Variants in CCDC40 observed in about 807,000 individuals in gnomAD.
CCDC40 encodes the protein coiled-coil domain-containing protein 40.
A neutral mutation model predicts 124.5 loss-of-function variants in CCDC40; 104 were observed. That is an observed-to-expected ratio of 0.84 (90% CI 0.71 to 0.98). The LOEUF (loss-of-function observed/expected upper bound fraction) is 0.98, where lower values mean the gene tolerates loss of function less well. Among genes scored for constraint, CCDC40 ranks in the 50% least tolerant of loss-of-function variants. The pLI, the probability that CCDC40 is intolerant of heterozygous loss-of-function variation, is 0.00. For synonymous variants in CCDC40, 580 were observed against 602.9 expected, an observed-to-expected ratio of 0.96 and a Z score of 0.56; for missense variants, 1,463 against 1,503.9, an observed-to-expected ratio of 0.97 and a Z score of 0.45.
At chr17:80,090,507 C>T (rs181118178) in intron 17 of CCDC40, 131 of 1,525,160 alleles carry the variant, frequency 8.6e-5, no homozygotes, top group Middle Eastern at 2.2e-4. Flanking sequence ...TCTCACAAAA[C>T]GCTGTTTTAT....
chr17:80,095,596 G>T, intron 18 of CCDC40, 145 bp downstream of exon 18: 1 of 756,026 alleles, frequency 1.3e-6, no homozygotes, highest in South Asian at 1.7e-5. Flanking sequence ...CTGCTGCTGG[G>T]TGCTGGGTCT....
chr17:80,087,807 C>A lies in CCDC40; in HGVS notation c.2619+31C>A, dbSNP rs780072831. Reference sequence around the variant, plus strand: ...GCCGTGTCCACGCAGTCCCGGGGCTCAGGACGATGGAGGGCGGGGGTACGG... The same window carrying A: ...GCCGTGTCCACGCAGTCCCGGGGCTAAGGACGATGGAGGGCGGGGGTACGG... On this transcript the variant is annotated intron_variant, in intron 15 of 19. Transcript: ENST00000397545. This position sits in a 1 kb window ranked among gnomAD's most constrained non-coding sequence, Gnocchi z 4.5. 6.2e-7 allele frequency: 1 copy of A among 1,608,238 alleles called. No homozygotes were observed. The highest frequency in any genetic ancestry group is 8.5e-7 in the Non-Finnish European group (1 of 1,174,974).
chr17:80,077,749 C>A (rs2038343404), intron 10 of CCDC40, among the ~76,000 whole-genome samples: 1 of 152,350 alleles, frequency 6.6e-6, no homozygotes, highest in Non-Finnish European at 1.5e-5. Context: ...TGGTGAGCAT[C>A]TCTTCCCCGG....
rs750384893 is a variant in CCDC40 at position 80,047,416 on chromosome 17, G to A, written c.676+14G>A. On this transcript the variant is annotated intron_variant, in intron 4 of 19. Coordinates refer to ENST00000397545, the MANE Select transcript of CCDC40 (RefSeq NM_017950.4). ...CGCAGGAGCCAGGTGCCACCCACCT[G>A]CTGAGGTCACCCTGCCCTGGCGATG... The A allele has an allele frequency of 1.4e-5, 23 of 1,608,346 alleles. No homozygotes were observed. Among genetic ancestry groups the A allele is most frequent in the African/African-American group, 2.7e-5 (2 of 74,824 alleles).
At chr17:80,095,194 C>T (rs2038785529) in intron 17 of CCDC40, 69 bp from the exon 18 acceptor site, 3 of 1,472,082 alleles carry the variant, frequency 2.0e-6, no homozygotes, top group South Asian at 2.3e-5. Flanking sequence ...AGGCCAGCGC[C>T]CCGGCCACTC....
Position 80,089,974 on chromosome 17 carries a change from G to C in CCDC40, c.2832+90G>C. ...GCCACACCAAGGCCTCGGCTCTCCC[G>C]GGGCTCCTGTGGGAACCACACTGGC... On this transcript the variant is annotated intron_variant, in intron 17 of 19. Coordinates refer to ENST00000397545, the MANE Select transcript of CCDC40 (RefSeq NM_017950.4). The C allele has an allele frequency of 4.5e-6, 7 of 1,561,958 alleles. No individual in the cohort carries two copies. In the South Asian group the frequency reaches 6.9e-5, roughly 15 times the overall value.
At position 80,040,164 on chromosome 17, in the gene CCDC40, C is replaced by T; in HGVS notation, c.446C>T (p.Pro149Leu). 1 of 1,613,928 alleles carries T rather than the reference C, an allele frequency of 6.2e-7. No individual in the cohort carries two copies. Among genetic ancestry groups the T allele is most frequent in the Non-Finnish European group, 8.5e-7 (1 of 1,179,886 alleles). Residue 149 changes from proline to leucine, a missense_variant, in exon 3 of 20, where the codon CCA becomes CTA. Coordinates refer to ENST00000397545, the MANE Select transcript of CCDC40 (RefSeq NM_017950.4). ...QGFQQEATGPPESRERRVTSP... is the reference protein window; with the variant it reads ...QGFQQEATGPLESRERRVTSP... The stretch of plus-strand genomic sequence containing the variant: ...TTCCAGCAAGAGGCCACCGGTCCAC[C>T]AGAATCCAGAGAAAGGAGGGTCACC...
At chr17:80,089,107 G>A (rs921830687) in intron 16 of CCDC40, among the ~76,000 whole-genome samples, 1 of 152,220 alleles carries the variant, frequency 6.6e-6, no homozygotes, top group African/African-American at 2.4e-5. Flanking sequence ...CCAATGTGTA[G>A]CTATATTCCT....
intron 10 of CCDC40, among the ~76,000 whole-genome samples, chr17:80,068,848 C>T (rs2038116230): frequency 6.6e-6 from 1 of 152,214 alleles, no homozygotes; most frequent in Non-Finnish European, 1.5e-5. Context: ...CCGAATGCTC[C>T]ACGCTCGGAC....
rs2038788434 is a variant in CCDC40, at chr17:80,095,327, C to A, written c.2897C>A (p.Ala966Asp). 6.2e-7 allele frequency: 1 copy of A among 1,614,102 alleles called. No homozygotes were observed. The highest frequency in any genetic ancestry group is 8.5e-7 in the Non-Finnish European group (1 of 1,180,040). The change falls in exon 18 of 20, where the codon GCC becomes GAC. Residue 966 changes from alanine (A) to aspartate (D), a missense_variant. Ala to Asp is a moderately radical substitution (Grantham distance 126, BLOSUM62 -2). Transcript: ENST00000397545. ...KMIRAMELAV[A>D]RRETVTTQAE... ...ATCCGTGCCATGGAGTTGGCGGTTG[C>A]CCGCAGAGAGACCGTCACCACCCAG...
intron 10 of CCDC40, among the ~76,000 whole-genome samples, chr17:80,069,316 T>C (rs2038131157): frequency 6.6e-6 from 1 of 152,192 alleles, no homozygotes; most frequent in Non-Finnish European, 1.5e-5. Context: ...GCTGCAAGCT[T>C]AGCTCAGAAG....
intron 10 of CCDC40, chr17:80,067,771 G>C: frequency 6.8e-7 from 1 of 1,474,066 alleles, no homozygotes; most frequent in Non-Finnish European, 9.0e-7. Context: ...GTAGGATTGT[G>C]ACAGTCACGC....
At chr17:80,080,906 C>T (rs754334446) in intron 10 of CCDC40, among the ~76,000 whole-genome samples, 5 of 152,060 alleles carry the variant, frequency 3.3e-5, no homozygotes, top group Middle Eastern at 3.2e-3. Flanking sequence ...TTCTGAATAG[C>T]TAGAGGAAAA....
At chr17:80,091,538 C>T (rs1291587168) in intron 17 of CCDC40, among the ~76,000 whole-genome samples, 2 of 5,918 alleles carry the variant, frequency 3.4e-4, no homozygotes, top group Non-Finnish European at 4.7e-4. Context: ...CCCCGTCCCA[C>T]CACCTTCTTC....
chr17:80,089,938 C>T, intron 17 of CCDC40, 54 bp downstream of exon 17: 1 of 1,604,800 alleles, frequency 6.2e-7, no homozygotes, highest in South Asian at 1.1e-5. Context: ...CCCTTGGGCT[C>T]TGGAGACCTG....
rs61736668 is a variant in CCDC40 at position 80,050,176 on chromosome 17, G to A, written c.1052G>A (p.Arg351His). Residue 351 changes from arginine (R) to histidine (H), a missense_variant, in exon 7 of 20, where the codon CGC becomes CAC. Coordinates refer to ENST00000397545, the MANE Select transcript of CCDC40 (RefSeq NM_017950.4). ...AAGCTGCTGGAGAAGAGTCACGACCGCCACGCAATGGCCTCGAGCGAGCGC... is the reference window on the plus strand; with the variant it reads ...AAGCTGCTGGAGAAGAGTCACGACCACCACGCAATGGCCTCGAGCGAGCGC... ...LQKLLEKSHD[R>H]HAMASSERRQ... The A allele has an allele frequency of 1.9e-5, 31 of 1,613,072 alleles. No individual in the cohort carries two copies. Among genetic ancestry groups the A allele is most frequent in the Middle Eastern group, 1.7e-4 (1 of 5,906 alleles).
At chr17:80,064,662 C>T (rs1054680220) in intron 9 of CCDC40, among the ~76,000 whole-genome samples, 1 of 151,750 alleles carries the variant, frequency 6.6e-6, no homozygotes, top group African/African-American at 2.4e-5. Context: ...CCTGAACCAC[C>T]CCCCTAGTTT....
Position 80,056,016 on chromosome 17 carries a change from A to ATTTTTT in CCDC40, c.1160-2468_1160-2463dup, listed in dbSNP as rs1193599741. On this transcript the variant is annotated intron_variant, in intron 7 of 19. Transcript: ENST00000397545. ...TATATATATATATATATATATATAT[A>ATTTTTT]TTTTTTTTTTTTTTTGGTAGAAACA... 8.8e-4 allele frequency among the ~76,000 whole-genome samples: 9 copies of ATTTTTT among 10,250 alleles called. 3 individuals are homozygous for ATTTTTT. The highest frequency in any genetic ancestry group is 2.1e-3 in the African/African-American group (6 of 2,842). 6.7% of individuals were successfully genotyped at this position (10,250 alleles called of 152,430 possible).
chr17:80,089,165 T>TC (rs1361655601), intron 16 of CCDC40, among the ~76,000 whole-genome samples: 2 of 152,206 alleles, frequency 1.3e-5, no homozygotes, highest in Non-Finnish European at 2.9e-5. Context: ...TTTCAGAAGT[T>TC]CCCCCTTGAA....
Sources: gnomAD v4.1 joint callset for allele counts (sites outside exome capture counted in the v4.1 genomes callset) on GRCh38, gnomAD v4.1.1 for gene constraint, Gnocchi (gnomAD v3.1) non-coding constraint, MANE v1.5 for transcripts, NCBI Gene and HGNC (gene_info 2026-07-23, HGNC 2026-07-21) for gene names.